ZNF385D: variants seen among roughly 807,000 people sequenced by gnomAD.
The protein encoded by ZNF385D is zinc finger protein 659.
In ZNF385D, 15 loss-of-function variants were observed where a neutral mutation model predicts 35.8. That is an observed-to-expected ratio of 0.42 (90% CI 0.28 to 0.64). The LOEUF (loss-of-function observed/expected upper bound fraction) is 0.64. ZNF385D is among the 30% of genes least tolerant of loss of function. The pLI, the probability that ZNF385D is intolerant of heterozygous loss-of-function variation, is 0.23. For synonymous variants in ZNF385D, 212 were observed against 186.8 expected, an observed-to-expected ratio of 1.13 and a Z score of -1.10; for missense variants, 474 against 494.6, an observed-to-expected ratio of 0.96 and a Z score of 0.39.
intron 1 of ZNF385D, among the ~76,000 whole-genome samples, chr3:21,696,972 A>G (rs1489211323): frequency 6.6e-6 from 1 of 152,216 alleles, no homozygotes; most frequent in Non-Finnish European, 1.5e-5. Context: ...CTACAAGAAT[A>G]CTTTTAAAAG....
chr3:22,001,084 A>G (rs1695815343), intron 3 of ZNF385D, among the ~76,000 whole-genome samples: 5 of 152,164 alleles, frequency 3.3e-5, no homozygotes, highest in Admixed American at 3.3e-4. Context: ...AAAAAGGAAC[A>G]AAAGACATAC....
At chr3:22,266,019 T>A (rs1048891856) in intron 2 of ZNF385D, among the ~76,000 whole-genome samples, 4 of 152,000 alleles carry the variant, frequency 2.6e-5, no homozygotes, top group African/African-American at 9.7e-5. Context: ...CATCTTGGCC[T>A]CCACTTTCCC....
At chr3:22,298,920 A>G (rs1702751650) in intron 2 of ZNF385D, among the ~76,000 whole-genome samples, 1 of 151,954 alleles carries the variant, frequency 6.6e-6, no homozygotes, top group African/African-American at 2.4e-5. Context: ...CACAGTTCTT[A>G]AAAAAGAATT....
intron 3 of ZNF385D, among the ~76,000 whole-genome samples, chr3:21,820,179 G>C (rs1179708954): frequency 2.0e-5 from 3 of 151,662 alleles, no homozygotes; most frequent in African/African-American, 7.2e-5. Flanking sequence ...TTAAAGCCCA[G>C]TTGGAACATT....
chr3:22,023,021 T>C (rs985474794), intron 3 of ZNF385D, among the ~76,000 whole-genome samples: 3 of 152,172 alleles, frequency 2.0e-5, no homozygotes, highest in African/African-American at 7.2e-5. Flanking sequence ...TACACAGTTC[T>C]CTGTTCCTTA....
chr3:21,467,391 T>A (rs1184914933), intron 4 of ZNF385D, among the ~76,000 whole-genome samples: 3 of 152,220 alleles, frequency 2.0e-5, no homozygotes, highest in Admixed American at 2.0e-4. Context: ...GAAGACAAAG[T>A]AAGACTGTTT....
rs79062907 is a variant in ZNF385D at position 21,562,657 on chromosome 3, T to A, written c.276+1917A>T. Among the ~76,000 whole-genome samples, 294 of 152,320 alleles carry A rather than the reference T, an allele frequency of 1.9e-3. 3 individuals carry two copies. The highest frequency in any genetic ancestry group is 6.9e-3 in the African/African-American group (288 of 41,564). On this transcript the variant is annotated intron_variant, in intron 3 of 7. Transcript: ENST00000281523. Reference sequence around the variant, plus strand: ...TGACAACATGGCTCCTGGGAGACTTTTAAATCATCTGATCAGTTTCTAAGT... The same window carrying A: ...TGACAACATGGCTCCTGGGAGACTTATAAATCATCTGATCAGTTTCTAAGT...
intron 3 of ZNF385D, among the ~76,000 whole-genome samples, chr3:21,847,645 G>GA (rs1352884698): frequency 6.6e-6 from 1 of 151,916 alleles, no homozygotes; most frequent in African/African-American, 2.4e-5. Flanking sequence ...ATGTTATTGA[G>GA]AAATTTTTTA....
chr3:21,948,795 T>C (rs559082), intron 3 of ZNF385D, among the ~76,000 whole-genome samples: 39,396 of 152,036 alleles, frequency 0.26, 5,822 homozygotes, highest in Admixed American at 0.41. Context: ...TGAAATTAAC[T>C]ATTATGTTAC....
chr3:21,872,514 G>A (rs1473511095), intron 3 of ZNF385D, among the ~76,000 whole-genome samples: 2 of 152,022 alleles, frequency 1.3e-5, no homozygotes, highest in Non-Finnish European at 2.9e-5. Flanking sequence ...CACATTCCTG[G>A]TGACAGGAGT....
At chr3:22,302,410 G>T (rs1458648230) in intron 2 of ZNF385D, among the ~76,000 whole-genome samples, 1 of 150,938 alleles carries the variant, frequency 6.6e-6, no homozygotes. Flanking sequence ...AATTGTATTG[G>T]TATATGCAAT....
chr3:21,840,418 C>T (rs1695591343), intron 3 of ZNF385D, among the ~76,000 whole-genome samples: 1 of 152,066 alleles, frequency 6.6e-6, no homozygotes, highest in Non-Finnish European at 1.5e-5. Flanking sequence ...AGATAGCATG[C>T]TTCCTATTCC....
intron 4 of ZNF385D, among the ~76,000 whole-genome samples, chr3:21,493,249 AT>A (rs1045610124): frequency 5.3e-5 from 8 of 152,088 alleles, no homozygotes; most frequent in Admixed American, 1.3e-4. Flanking sequence ...CAAATGAGAG[AT>A]TTATGTTTCT....
intron 3 of ZNF385D, among the ~76,000 whole-genome samples, chr3:21,950,266 G>T (rs1448076202): frequency 2.6e-5 from 4 of 151,696 alleles, no homozygotes; most frequent in African/African-American, 9.7e-5. Context: ...GCATGAGATG[G>T]TATCTCATTG....
chr3:22,322,186 C>T (rs1694469996), intron 2 of ZNF385D, among the ~76,000 whole-genome samples: 1 of 152,126 alleles, frequency 6.6e-6, no homozygotes, highest in Non-Finnish European at 1.5e-5. Context: ...TACAATTACT[C>T]ACCATTATTT....
At chr3:21,564,740 G>A in intron 2 of ZNF385D, 56 bp from the exon 3 acceptor site, 1 of 1,156,080 alleles carries the variant, frequency 8.6e-7, no homozygotes. Flanking sequence ...CAGTTCCATT[G>A]GAATTTTGCC....
intron 4 of ZNF385D, among the ~76,000 whole-genome samples, chr3:21,457,606 G>T (rs1448839705): frequency 6.6e-6 from 1 of 152,002 alleles, no homozygotes; most frequent in Non-Finnish European, 1.5e-5. Flanking sequence ...CACCTGCCTT[G>T]GTCTCCCAAA....
intron 1 of ZNF385D, among the ~76,000 whole-genome samples, chr3:21,739,448 G>T (rs1171930438): frequency 6.6e-6 from 1 of 152,156 alleles, no homozygotes; most frequent in Non-Finnish European, 1.5e-5. Context: ...ACAGTCATTA[G>T]CTGCAGCCGC....
chr3:21,572,679 A>G (rs1317890073), intron 2 of ZNF385D, among the ~76,000 whole-genome samples: 1 of 152,162 alleles, frequency 6.6e-6, no homozygotes, highest in Admixed American at 6.6e-5. Flanking sequence ...GTATTTTGTT[A>G]TAGGAATGTC....
Sources: gnomAD v4.1 joint callset for allele counts (sites outside exome capture counted in the v4.1 genomes callset) on GRCh38, gnomAD v4.1.1 for gene constraint, MANE v1.5 for transcripts, NCBI Gene and HGNC (gene_info 2026-07-23, HGNC 2026-07-21) for gene names.